CNBD1: variants seen among roughly 807,000 people sequenced by gnomAD.
CNBD1 encodes the protein cyclic nucleotide-binding domain-containing protein 1.
CNBD1 carries 71 observed loss-of-function variants against 54.4 expected under a neutral mutation model. The ratio of observed to expected loss-of-function variants is 1.30; its 90% CI spans 1.08 to 1.59. The LOEUF (loss-of-function observed/expected upper bound fraction) is 1.59, where lower values mean the gene tolerates loss of function less well. Among genes scored for constraint, CNBD1 ranks in the 40% most tolerant of loss-of-function variants. CNBD1 has a pLI of 0.00. For missense variants in CNBD1, 659 were observed against 518.0 expected (o/e 1.27, Z -2.64); for synonymous variants, 182 against 170.7 (o/e 1.07, Z -0.51).
At chr8:87,095,249 T>C in intron 4 of CNBD1, among the ~76,000 whole-genome samples, 1 of 152,206 alleles carries the variant, frequency 6.6e-6, no homozygotes, top group Non-Finnish European at 1.5e-5. Context: ...TTTTTATTCT[T>C]TTTTTAGGAC....
chr8:87,401,588 A>T (rs79733725), intron 2 of CNBD1, among the ~76,000 whole-genome samples: 1 of 151,986 alleles, frequency 6.6e-6, no homozygotes, highest in East Asian at 1.9e-4. Context: ...CTTTTTTACC[A>T]ATGATGCATA....
At chr8:87,147,195 C>G (rs1192294616) in intron 4 of CNBD1, among the ~76,000 whole-genome samples, 1 of 152,038 alleles carries the variant, frequency 6.6e-6, no homozygotes, top group Non-Finnish European at 1.5e-5. Flanking sequence ...TACTAAATGC[C>G]TTATTTTTTC....
Position 87,302,025 on chromosome 8 carries a change from C to T in CNBD1, c.1042+15354C>T, listed in dbSNP as rs188393385. On this transcript the variant is annotated intron_variant, in intron 8 of 10. Transcript: ENST00000518476. ...CTTACCAACCAAAAAAAGTCCAGGA[C>T]CAGACGGATTCACAGCCGAATTCTA... is the stretch of plus-strand genomic sequence containing the variant. 3.9e-3 allele frequency among the ~76,000 whole-genome samples: 594 copies of T among 152,202 alleles called. 8 individuals are homozygous for T. Among genetic ancestry groups the T allele is most frequent in the African/African-American group, 0.013 (560 of 41,524 alleles).
chr8:87,258,474 G>A (rs1808066654), intron 6 of CNBD1, among the ~76,000 whole-genome samples: 1 of 151,064 alleles, frequency 6.6e-6, no homozygotes, highest in Non-Finnish European at 1.5e-5. Flanking sequence ...CACAGGCTGG[G>A]GTGCAGTGGT....
At chr8:87,053,599 A>G (rs968415506) in intron 4 of CNBD1, among the ~76,000 whole-genome samples, 2 of 152,174 alleles carry the variant, frequency 1.3e-5, no homozygotes, top group Non-Finnish European at 2.9e-5. Context: ...GATGCTGCCC[A>G]TGAATGCAAG....
Position 87,206,092 on chromosome 8 carries a change from A to T in CNBD1, c.531A>T (p.Thr177=). 1 of 1,598,258 alleles carries T rather than the reference A, an allele frequency of 6.3e-7. No individual in the cohort carries two copies. The highest frequency in any genetic ancestry group is 8.5e-7 in the Non-Finnish European group (1 of 1,173,340). The change falls in exon 5 of 11, where the codon ACA becomes ACT. Residue 177 remains threonine (T), a synonymous_variant. Transcript: ENST00000518476. ...AGCTAAATGATAAGCATCTGAAAAC[A>T]CTTAGTAAGACTGTCTTTTCCGAAA... ...TFQLNDKHLK[T]LSKTVFSETW...
chr8:87,191,690 T>C (rs1813613091), intron 4 of CNBD1, among the ~76,000 whole-genome samples: 1 of 152,190 alleles, frequency 6.6e-6, no homozygotes, highest in East Asian at 1.9e-4. Flanking sequence ...TTCTTAGTCA[T>C]TGCTGTATGT....
At chr8:86,956,170 G>A (rs912866823) in intron 4 of CNBD1, among the ~76,000 whole-genome samples, 17 of 151,994 alleles carry the variant, frequency 1.1e-4, no homozygotes, top group Admixed American at 2.0e-4. Context: ...TGAGGGCTCT[G>A]TTCTGTTCCA....
intron 6 of CNBD1, among the ~76,000 whole-genome samples, chr8:87,246,206 G>C (rs990206269): frequency 9.2e-5 from 14 of 152,114 alleles, no homozygotes; most frequent in Middle Eastern, 3.4e-3. Flanking sequence ...TGGCAAACCT[G>C]TTCTGTAATT....
At chr8:87,306,729 A>G (rs1276617655) in intron 8 of CNBD1, among the ~76,000 whole-genome samples, 1 of 152,026 alleles carries the variant, frequency 6.6e-6, no homozygotes, top group Admixed American at 6.6e-5. Context: ...CAAAGGCATA[A>G]GAATGACACA....
At chr8:86,965,684 A>C (rs2130479723) in intron 4 of CNBD1, among the ~76,000 whole-genome samples, 1 of 152,252 alleles carries the variant, frequency 6.6e-6, no homozygotes, top group East Asian at 1.9e-4. Flanking sequence ...CTGGCCGGAA[A>C]CCTCTGTGGC....
intron 4 of CNBD1, among the ~76,000 whole-genome samples, chr8:87,120,760 A>C (rs1321407803): frequency 6.6e-6 from 1 of 151,606 alleles, no homozygotes; most frequent in Non-Finnish European, 1.5e-5. Flanking sequence ...TGCTGTTTTC[A>C]TTTTCATTTG....
intron 2 of CNBD1, among the ~76,000 whole-genome samples, chr8:87,396,873 TG>T: frequency 6.8e-6 from 1 of 147,934 alleles, no homozygotes; most frequent in East Asian, 2.0e-4. Context: ...TTCTTTCTAA[TG>T]TGTTATAGTT....
At chr8:87,067,708 A>G (rs905447338) in intron 4 of CNBD1, among the ~76,000 whole-genome samples, 7 of 152,012 alleles carry the variant, frequency 4.6e-5, no homozygotes, top group African/African-American at 1.4e-4. Context: ...TGACTGAACA[A>G]TGGCCATCTG....
chr8:87,357,040 G>T (rs1810433923), intron 10 of CNBD1, among the ~76,000 whole-genome samples: 2 of 152,176 alleles, frequency 1.3e-5, no homozygotes, highest in South Asian at 4.1e-4. Context: ...AAGCCTTTGT[G>T]GCTTCCACAT....
chr8:87,258,489 T>A (rs958876184), intron 6 of CNBD1, among the ~76,000 whole-genome samples: 1 of 151,876 alleles, frequency 6.6e-6, no homozygotes, highest in South Asian at 2.1e-4. Context: ...AGTGGTATGA[T>A]CTCGACTCAC....
chr8:87,286,276 T>C (rs1023200007), intron 7 of CNBD1, among the ~76,000 whole-genome samples: 1 of 152,214 alleles, frequency 6.6e-6, no homozygotes, highest in Non-Finnish European at 1.5e-5. Flanking sequence ...TGACAGGGTT[T>C]TTAAAAACTT....
In CNBD1 at chr8:87,324,330, G is replaced by C. The variant is rs1809616454; in HGVS notation, c.1043-27355G>C. Among the ~76,000 whole-genome samples, 3 of 126,542 alleles carry C rather than the reference G, an allele frequency of 2.4e-5. 1 individual carries two copies. The highest frequency in any genetic ancestry group is 2.3e-4 in the Admixed American group (3 of 13,066). 83.0% of individuals were successfully genotyped at this position (126,542 alleles called of 152,430 possible). A position where few individuals can be genotyped will look rare whatever the true frequency, so the allele number is the denominator to read the frequency against. On this transcript the variant is annotated intron_variant, in intron 8 of 10. Coordinates refer to ENST00000518476, the MANE Select transcript of CNBD1 (RefSeq NM_173538.3). ...ATGCTGGCCTCATAAAATGAGTTAGGGAGGATTCCCTCTTTTTCTATTGAT... is the reference window on the plus strand; with the variant it reads ...ATGCTGGCCTCATAAAATGAGTTAGCGAGGATTCCCTCTTTTTCTATTGAT...
At chr8:87,269,191 A>G (rs1010340469) in intron 6 of CNBD1, among the ~76,000 whole-genome samples, 1 of 151,978 alleles carries the variant, frequency 6.6e-6, no homozygotes, top group Non-Finnish European at 1.5e-5. Flanking sequence ...TCCTTTCCCT[A>G]TAGTTTGTTA....
Sources: allele counts gnomAD v4.1 joint callset (sites outside exome capture counted in the v4.1 genomes callset), GRCh38; gene constraint gnomAD v4.1.1; transcripts MANE v1.5; gene names NCBI Gene and HGNC (gene_info 2026-07-23, HGNC 2026-07-21).